Variants in LSAMP observed in about 807,000 individuals in gnomAD.
The protein encoded by LSAMP is limbic system-associated membrane protein.
LSAMP carries 7 observed loss-of-function variants against 38.6 expected under a neutral mutation model. That is an observed-to-expected ratio of 0.18 (90% confidence interval 0.10 to 0.34). The LOEUF (loss-of-function observed/expected upper bound fraction) is 0.34. LSAMP is among the 10% of genes least tolerant of loss of function. The pLI is 1.00. For missense variants in LSAMP, 313 were observed against 420.0 expected, an observed-to-expected ratio of 0.75 and a Z score of 2.23; for synonymous variants, 154 against 166.8, an observed-to-expected ratio of 0.92 and a Z score of 0.59.
At chr3:116,153,219 G>A (rs1484283696) in intron 1 of LSAMP, among the ~76,000 whole-genome samples, 1 of 152,054 alleles carries the variant, frequency 6.6e-6, no homozygotes, top group African/African-American at 2.4e-5. Flanking sequence ...CTCTACTCAA[G>A]TTCCTCTAAA....
chr3:116,390,600 T>C (rs2048679744), intron 1 of LSAMP, among the ~76,000 whole-genome samples: 1 of 151,876 alleles, frequency 6.6e-6, no homozygotes, highest in South Asian at 2.1e-4. Flanking sequence ...CATGGTGGCA[T>C]GCAACTGTAG....
intron 2 of LSAMP, among the ~76,000 whole-genome samples, 175 bp downstream of exon 2, chr3:116,086,149 A>G (rs1393604624): frequency 6.6e-6 from 1 of 152,158 alleles, no homozygotes; most frequent in Non-Finnish European, 1.5e-5. Flanking sequence ...CACTCTCTAT[A>G]TTGTTTTGGG....
chr3:116,312,477 C>T (rs1160083534), intron 1 of LSAMP, among the ~76,000 whole-genome samples: 2 of 152,212 alleles, frequency 1.3e-5, no homozygotes, highest in Non-Finnish European at 2.9e-5. Context: ...TCCTTCTCTT[C>T]CCCCTTTCCA....
Position 116,248,476 on chromosome 3 carries a change from A to AGTGT in LSAMP, c.156-161921_156-161920insACAC, listed in dbSNP as rs1559798607. On this transcript the variant is annotated intron_variant, in intron 1 of 6. Transcript: ENST00000490035. ...GGCAATATAGTAAGACCCTGTCTCTAATGTGTGTGTGTGTGTGTGTGTGTG... is the reference window on the plus strand; with the variant it reads ...GGCAATATAGTAAGACCCTGTCTCTAGTGTATGTGTGTGTGTGTGTGTGTGTGTG... 2.1e-4 allele frequency among the ~76,000 whole-genome samples: 22 copies of AGTGT among 102,804 alleles called. No homozygotes were observed. The Admixed American group carries it at 2.2e-3, about 10-fold the overall frequency. 67.4% of individuals were successfully genotyped at this position (102,804 alleles called of 152,430 possible).
intron 6 of LSAMP, among the ~76,000 whole-genome samples, chr3:115,824,080 AT>A (rs1173587507): frequency 1.3e-5 from 2 of 152,180 alleles, no homozygotes; most frequent in Non-Finnish European, 2.9e-5. Context: ...AGAGTTTCTT[AT>A]TTAGCCTGAG....
At chr3:116,164,743 C>CATAT (rs1329964354) in intron 1 of LSAMP, among the ~76,000 whole-genome samples, 2,262 of 48,324 alleles carry the variant, frequency 0.047, 363 homozygotes, top group African/African-American at 0.11. Context: ...TATATATATC[C>CATAT]ATATATATAT....
At chr3:116,435,386 A>G (rs2049335816) in intron 1 of LSAMP, among the ~76,000 whole-genome samples, 1 of 152,010 alleles carries the variant, frequency 6.6e-6, no homozygotes, top group Non-Finnish European at 1.5e-5. Flanking sequence ...CCATCAGCTG[A>G]TAACCTCCGT....
At chr3:115,996,886 C>T (rs1312763167) in intron 3 of LSAMP, among the ~76,000 whole-genome samples, 5 of 152,086 alleles carry the variant, frequency 3.3e-5, no homozygotes, top group Admixed American at 6.6e-5. Flanking sequence ...AACTGGGAGT[C>T]GTCCCAATCT....
intron 1 of LSAMP, among the ~76,000 whole-genome samples, chr3:116,106,132 A>G (rs1018116978): frequency 2.0e-5 from 3 of 152,212 alleles, no homozygotes; most frequent in Non-Finnish European, 2.9e-5. Flanking sequence ...GGGACGACTC[A>G]GGATATCTGA....
chr3:116,297,326 T>C (rs2107701317), intron 1 of LSAMP, among the ~76,000 whole-genome samples: 1 of 152,290 alleles, frequency 6.6e-6, no homozygotes, highest in African/African-American at 2.4e-5. Context: ...TGGATATTAT[T>C]GGGGTGGTCA....
chr3:116,323,165 G>A (rs2047727334), intron 1 of LSAMP, among the ~76,000 whole-genome samples: 1 of 152,082 alleles, frequency 6.6e-6, no homozygotes, highest in Non-Finnish European at 1.5e-5. Context: ...GTTGCAGAAA[G>A]AGCAGGAATG....
chr3:116,266,924 T>C (rs1373734411), intron 1 of LSAMP, among the ~76,000 whole-genome samples: 2 of 152,182 alleles, frequency 1.3e-5, no homozygotes, highest in Admixed American at 6.6e-5. Flanking sequence ...CAACACTTAC[T>C]GGAGTGTTCC....
intron 3 of LSAMP, among the ~76,000 whole-genome samples, chr3:115,920,888 A>G (rs1023492077): frequency 1.4e-5 from 2 of 141,350 alleles, no homozygotes; most frequent in African/African-American, 6.1e-5. Flanking sequence ...TTGGGTGCAT[A>G]TATATATATA....
chr3:116,026,740 C>T lies in LSAMP; in HGVS notation c.389-7100G>A, dbSNP rs554613552. Among the ~76,000 whole-genome samples the T allele has an allele frequency of 1.1e-4, 17 of 152,284 alleles. No individual in the cohort carries two copies. In the South Asian group the frequency reaches 3.1e-3, roughly 28 times the overall value. ...TGTTAATGGCCTCAAATCTGTACTC[C>T]TCCCTCTATCCCCATCCTTTGCCAC... On this transcript the variant is annotated intron_variant, in intron 2 of 6. Transcript: ENST00000490035.
intron 1 of LSAMP, among the ~76,000 whole-genome samples, chr3:116,289,906 A>C (rs999691018): frequency 6.6e-6 from 1 of 152,206 alleles, no homozygotes; most frequent in Non-Finnish European, 1.5e-5. Context: ...CTGGATTAAA[A>C]AGCTATCACA....
At chr3:116,228,482 G>A (rs1307906184) in intron 1 of LSAMP, among the ~76,000 whole-genome samples, 1 of 151,980 alleles carries the variant, frequency 6.6e-6, no homozygotes, top group African/African-American at 2.4e-5. Context: ...TTCCTCATAT[G>A]TAAAATGAGG....
At chr3:116,022,731 G>A (rs1050321362) in intron 2 of LSAMP, among the ~76,000 whole-genome samples, 11 of 151,966 alleles carry the variant, frequency 7.2e-5, no homozygotes, top group Non-Finnish European at 1.3e-4. Flanking sequence ...TACATTCATC[G>A]AAGGATCTTA....
intron 1 of LSAMP, among the ~76,000 whole-genome samples, chr3:116,253,608 G>A (rs2046713507): frequency 6.6e-6 from 1 of 152,156 alleles, no homozygotes; most frequent in South Asian, 2.1e-4. Flanking sequence ...CGTAGCTGGA[G>A]CTAGGCTACA....
chr3:116,206,762 T>C (rs2046075326), intron 1 of LSAMP, among the ~76,000 whole-genome samples: 1 of 151,786 alleles, frequency 6.6e-6, no homozygotes, highest in African/African-American at 2.4e-5. Context: ...CACTGTGGTC[T>C]GAGAGATAGT....
Sources: allele counts gnomAD v4.1 joint callset (sites outside exome capture counted in the v4.1 genomes callset), GRCh38; gene constraint gnomAD v4.1.1; transcripts MANE v1.5; gene names NCBI Gene and HGNC (gene_info 2026-07-23, HGNC 2026-07-21).